Variants in LEPR observed in about 807,000 individuals in gnomAD.
The protein encoded by LEPR is leptin receptor, also known as OB receptor.
A neutral mutation model predicts 114.7 loss-of-function variants in LEPR; 56 were observed. The ratio of observed to expected loss-of-function variants is 0.49; its 90% CI spans 0.39 to 0.61. The LOEUF (loss-of-function observed/expected upper bound fraction) is 0.61. Ranked by LOEUF, LEPR falls within the 20% of genes least tolerant of loss-of-function variation. The probability of loss-of-function intolerance (pLI) is 0.00; values close to 1 mark genes in which losing one functional copy is unlikely to be tolerated. For missense variants in LEPR, 1,202 were observed against 1,352.9 expected, an observed-to-expected ratio of 0.89 and a Z score of 1.75; for synonymous variants, 443 against 461.4, an observed-to-expected ratio of 0.96 and a Z score of 0.51.
At chr1:65,421,433 G>GT in intron 1 of LEPR, 1 of 1,536,032 alleles carries the variant, frequency 6.5e-7, no homozygotes, top group South Asian at 1.2e-5. Context: ...GACGGAAAAG[G>GT]TTTTTTGCAA....
intron 2 of LEPR, among the ~76,000 whole-genome samples, chr1:65,450,313 A>G (rs1479618636): frequency 6.6e-6 from 1 of 151,832 alleles, no homozygotes; most frequent in African/African-American, 2.4e-5. Context: ...TATAGGGTAC[A>G]TGTGCACATT....
chr1:65,454,172 G>A (rs1243188652), intron 2 of LEPR, among the ~76,000 whole-genome samples: 2 of 151,798 alleles, frequency 1.3e-5, no homozygotes, highest in Non-Finnish European at 2.9e-5. Context: ...GAGCCTATGT[G>A]TGTCTCTGCA....
chr1:65,442,883 G>T (rs936265656), intron 2 of LEPR, among the ~76,000 whole-genome samples: 2 of 152,112 alleles, frequency 1.3e-5, no homozygotes, highest in African/African-American at 4.8e-5. Flanking sequence ...ATACAAGGGA[G>T]ACTGCACACA....
At chr1:65,504,812 T>C (rs12062820) in intron 2 of LEPR, among the ~76,000 whole-genome samples, 31,215 of 152,070 alleles carry the variant, frequency 0.21, 3,582 homozygotes, top group Middle Eastern at 0.33. Context: ...ACCTCACTTA[T>C]ATAGGATAGA....
At chr1:65,570,436 T>A in intron 3 of LEPR, 37 bp from the exon 4 acceptor site, 1 of 1,592,116 alleles carries the variant, frequency 6.3e-7, no homozygotes, top group South Asian at 1.1e-5. Context: ...GTCAAAATGA[T>A]TACTTTTTTC....
chr1:65,572,467 A>C lies in LEPR; in HGVS notation c.494+18A>C. The C allele has an allele frequency of 6.3e-7, 1 of 1,578,992 alleles. No homozygotes were observed. Among genetic ancestry groups the C allele is most frequent in the Middle Eastern group, 2.0e-4 (1 of 5,058 alleles). On this transcript the variant is annotated intron_variant, in intron 5 of 19. Transcript: ENST00000349533. ...TATGTTCTGTAAGTACCAAATAATTAATTTGGCATTTCTAATACACAGTTT... is the reference window on the plus strand; with the variant it reads ...TATGTTCTGTAAGTACCAAATAATTCATTTGGCATTTCTAATACACAGTTT...
intron 2 of LEPR, among the ~76,000 whole-genome samples, chr1:65,456,534 G>T (rs1277279285): frequency 6.6e-5 from 10 of 152,032 alleles, no homozygotes; most frequent in South Asian, 2.1e-4. Flanking sequence ...TATCTTCTTA[G>T]AGAACAGACC....
intron 6 of LEPR, among the ~76,000 whole-genome samples, chr1:65,594,856 G>A (rs1655944918): frequency 6.6e-6 from 1 of 152,002 alleles, no homozygotes; most frequent in African/African-American, 2.4e-5. Context: ...TTTCAAGAAG[G>A]AGGGAATAAG....
At chr1:65,555,010 T>A (rs1570682863) in intron 2 of LEPR, among the ~76,000 whole-genome samples, 2 of 152,046 alleles carry the variant, frequency 1.3e-5, no homozygotes, top group Non-Finnish European at 2.9e-5. Context: ...CAACGCCCCA[T>A]CCTGCTTCAG....
rs754710690 is a variant in LEPR, at chr1:65,572,425, A to G, written c.470A>G (p.Tyr157Cys). Residue 157 changes from tyrosine (Y) to cysteine (C), a missense_variant, in exon 5 of 20, where the codon TAT becomes TGT. By Grantham distance (194) the Tyr-to-Cys change is radical (BLOSUM62 -2). Transcript: ENST00000349533. Reference protein sequence around the residue: ...LFKNLFRNYNYKVHLLYVLPE... With the variant: ...LFKNLFRNYNCKVHLLYVLPE... ...AAGAATCTATTCAGGAATTATAACTATAAGGTCCATCTTTTATATGTTCTG... is the reference window on the plus strand; with the variant it reads ...AAGAATCTATTCAGGAATTATAACTGTAAGGTCCATCTTTTATATGTTCTG... 11 of 1,598,386 alleles carry G rather than the reference A, an allele frequency of 6.9e-6. No homozygotes were observed. The highest frequency in any genetic ancestry group is 1.7e-5 in the Admixed American group (1 of 58,738).
chr1:65,568,379 G>A (rs1298638713), intron 3 of LEPR, among the ~76,000 whole-genome samples: 1 of 152,034 alleles, frequency 6.6e-6, no homozygotes, highest in Admixed American at 6.6e-5. Context: ...AGAACATGTG[G>A]TATTGGATTT....
At chr1:65,457,125 G>T (rs115570058) in intron 2 of LEPR, among the ~76,000 whole-genome samples, 1 of 151,960 alleles carries the variant, frequency 6.6e-6, no homozygotes, top group Non-Finnish European at 1.5e-5. Context: ...TATCCCTTGT[G>T]TCAATGCTGT....
At chr1:65,421,902 G>C (rs990540108) in intron 1 of LEPR, among the ~76,000 whole-genome samples, 2 of 152,232 alleles carry the variant, frequency 1.3e-5, no homozygotes, top group Non-Finnish European at 2.9e-5. Context: ...CGGACTAAGG[G>C]AAGGAAGCAT....
chr1:65,623,188 C>T lies in LEPR; in HGVS notation c.2673+207C>T, dbSNP rs60990398. On this transcript the variant is annotated intron_variant, in intron 19 of 19. Transcript: ENST00000349533. ...AAACAAATTTCAGCGCATAGTTTAT[C>T]GTATGAGAGTTCACAATATACATAT... The T allele has an allele frequency of 5.4e-4, 300 of 555,026 alleles. 1 individual carries two copies. Among genetic ancestry groups the T allele is most frequent in the African/African-American group, 4.5e-3 (238 of 52,844 alleles). The allele number at this position is 555,026 out of a possible 1,614,324, so 34.4% of individuals were successfully genotyped here.
Position 65,596,930 on chromosome 1 carries a change from G to A in LEPR, c.849+337G>A, listed in dbSNP as rs533016901. On this transcript the variant is annotated intron_variant, in intron 7 of 19. Transcript: ENST00000349533. ...ATTTTTGCTTGGCTAATCATTAGTC[G>A]AGCTTCTGAATCTTCTGCTAGCCCG... Among the ~76,000 whole-genome samples, 5 of 151,940 alleles carry A rather than the reference G, an allele frequency of 3.3e-5. No individual in the cohort carries two copies. The South Asian group carries it at 8.3e-4, about 25-fold the overall frequency.
At chr1:65,592,892 A>G in intron 6 of LEPR, 27 bp downstream of exon 6, 1 of 1,610,294 alleles carries the variant, frequency 6.2e-7, no homozygotes, top group Non-Finnish European at 8.5e-7. Flanking sequence ...AATGATGATA[A>G]TAGGTCTAAA....
chr1:65,518,915 T>TTCTTTC (rs1491173844), intron 2 of LEPR, among the ~76,000 whole-genome samples: 1 of 81,192 alleles, frequency 1.2e-5, no homozygotes, highest in Non-Finnish European at 3.1e-5. Context: ...CTTTCTTTCT[T>TTCTTTC]TCTCTCTTTC....
At chr1:65,440,013 A>AAG (rs1358314548) in intron 2 of LEPR, among the ~76,000 whole-genome samples, 4 of 149,780 alleles carry the variant, frequency 2.7e-5, no homozygotes, top group Non-Finnish European at 6.0e-5. Context: ...AAAAAAAAAA[A>AAG]AAAAAAAAAA....
At chr1:65,469,150 A>G (rs1003778943) in intron 2 of LEPR, among the ~76,000 whole-genome samples, 10 of 152,182 alleles carry the variant, frequency 6.6e-5, no homozygotes, top group Non-Finnish European at 1.5e-4. Flanking sequence ...ACCAGGTTGC[A>G]ATTATTTCTG....
Sources: allele counts gnomAD v4.1 joint callset (sites outside exome capture counted in the v4.1 genomes callset), GRCh38; gene constraint gnomAD v4.1.1; transcripts MANE v1.5; gene names NCBI Gene and HGNC (gene_info 2026-07-23, HGNC 2026-07-21).